BLTP1: variants seen among roughly 807,000 people sequenced by gnomAD.
BLTP1 encodes the protein fragile site-associated protein.
the BLTP1 span, chr4:122,205,930 G>C: frequency 9.1e-6 from 9 of 984,554 alleles, no homozygotes; most frequent in Non-Finnish European, 1.1e-5. Context: ...AGTGTACAAT[G>C]CATGTAAAAC....
the BLTP1 span, among the ~76,000 whole-genome samples, chr4:122,330,461 G>T: frequency 1.3e-5 from 2 of 151,386 alleles, no homozygotes; most frequent in African/African-American, 4.9e-5. Flanking sequence ...GTTTTGGTTT[G>T]CATTTCCTTG....
chr4:122,174,443 A>C, the BLTP1 span: 17 of 1,433,496 alleles, frequency 1.2e-5, no homozygotes, highest in South Asian at 2.4e-4. Flanking sequence ...TAAGGCTGTA[A>C]GGGTATCAGG....
the BLTP1 span, chr4:122,307,659 C>A: frequency 1.0e-6 from 1 of 985,122 alleles, no homozygotes; most frequent in Non-Finnish European, 1.2e-6. Flanking sequence ...ATCCCAGTAT[C>A]TAACATATAA....
At chr4:122,233,651 A>G in the BLTP1 span, among the ~76,000 whole-genome samples, 8 of 152,196 alleles carry the variant, frequency 5.3e-5, no homozygotes, top group Admixed American at 1.3e-4. Flanking sequence ...AGGCCTGCTC[A>G]TACATTTTTC....
At chr4:122,350,753 G>A in the BLTP1 span, among the ~76,000 whole-genome samples, 1 of 152,264 alleles carries the variant, frequency 6.6e-6, no homozygotes, top group East Asian at 1.9e-4. Flanking sequence ...TAAGATGTGG[G>A]GGAAGAGAGT....
the BLTP1 span, among the ~76,000 whole-genome samples, chr4:122,297,214 G>GA: frequency 6.0e-3 from 905 of 151,350 alleles, 7 homozygotes; most frequent in African/African-American, 0.021. Flanking sequence ...AAATTTACAA[G>GA]AAAAAAAAGC....
chr4:122,154,962 T>G, the BLTP1 span: 1 of 933,810 alleles, frequency 1.1e-6, no homozygotes, highest in Non-Finnish European at 1.3e-6. Context: ...CAAGTATATT[T>G]TTTATGAATT....
chr4:122,309,136 A>T, the BLTP1 span: 20 of 1,275,862 alleles, frequency 1.6e-5, no homozygotes, highest in Non-Finnish European at 1.9e-5. Flanking sequence ...GCATCTTTCT[A>T]AGCTGCTCTT....
the BLTP1 span, chr4:122,172,150 G>T: frequency 0.015 from 4,557 of 305,830 alleles, 206 homozygotes; most frequent in African/African-American, 0.096. Flanking sequence ...AATCTAAGCT[G>T]CCCTGGGAAT....
chr4:122,246,444 C>A, the BLTP1 span: 1 of 1,029,334 alleles, frequency 9.7e-7, no homozygotes, highest in Non-Finnish European at 1.4e-6. Flanking sequence ...TAATGTAGAT[C>A]TAATGGAATG....
chr4:122,254,363 A>G, the BLTP1 span: 1 of 1,526,800 alleles, frequency 6.5e-7, no homozygotes, highest in South Asian at 1.1e-5. Flanking sequence ...AGTTTTTAAA[A>G]TATAGTAGTA....
At chr4:122,263,828 G>A in the BLTP1 span, among the ~76,000 whole-genome samples, 1 of 152,136 alleles carries the variant, frequency 6.6e-6, no homozygotes, top group Non-Finnish European at 1.5e-5. Flanking sequence ...TATATAAAGA[G>A]TTTAAAGCTT....
At chr4:122,210,836 T>G in the BLTP1 span, 3 of 1,585,228 alleles carry the variant, frequency 1.9e-6, no homozygotes, top group African/African-American at 4.1e-5. Flanking sequence ...CAAGAAGTCT[T>G]TTGTCCCCCA....
chr4:122,194,931 C>A, the BLTP1 span, among the ~76,000 whole-genome samples: 9 of 152,002 alleles, frequency 5.9e-5, no homozygotes, highest in Non-Finnish European at 8.8e-5. Flanking sequence ...AAAAAGAAAT[C>A]TATTTTTCAC....
the BLTP1 span, chr4:122,152,971 C>A: frequency 1.0e-6 from 1 of 985,020 alleles, no homozygotes; most frequent in Non-Finnish European, 1.2e-6. Flanking sequence ...AATATAGGGT[C>A]GGTTGACCGA....
At chr4:122,343,380 T>TA in the BLTP1 span, 1 of 1,608,488 alleles carries the variant, frequency 6.2e-7, no homozygotes. Context: ...TCTTGTAGCT[T>TA]ATATTTTCAA....
At chr4:122,361,207 G>T in the BLTP1 span, among the ~76,000 whole-genome samples, 1 of 152,230 alleles carries the variant, frequency 6.6e-6, no homozygotes, top group African/African-American at 2.4e-5. Context: ...AATAGTGGGA[G>T]AGATTAATAT....
chr4:122,169,652 C>T, the BLTP1 span: 1 of 962,428 alleles, frequency 1.0e-6, no homozygotes, highest in Non-Finnish European at 1.2e-6. Flanking sequence ...CATATTCATC[C>T]TACTGTGTGT....
At chr4:122,178,386 A>G in the BLTP1 span, among the ~76,000 whole-genome samples, 4 of 152,230 alleles carry the variant, frequency 2.6e-5, no homozygotes, top group Non-Finnish European at 5.9e-5. Context: ...AATGAGGGAA[A>G]TTAAGAGCCT....
Sources: allele counts gnomAD v4.1 joint callset (sites outside exome capture counted in the v4.1 genomes callset), GRCh38; gene constraint gnomAD v4.1.1; transcripts MANE v1.5; gene names NCBI Gene and HGNC (gene_info 2026-07-23, HGNC 2026-07-21).